The following FADS2 variants were observed in gnomAD, a reference collection of about 807,000 sequenced individuals.
The protein encoded by FADS2 is acyl-CoA 6-desaturase.
FADS2 carries 18 observed loss-of-function variants against 61.2 expected under a neutral mutation model. The observed-to-expected ratio is 0.29, with a 90% CI of 0.20 to 0.44. FADS2 has a LOEUF of 0.44. Ranked by LOEUF, FADS2 falls within the 20% of genes least tolerant of loss-of-function variation. The pLI, the probability that FADS2 is intolerant of heterozygous loss-of-function variation, is 1.00. For missense variants in FADS2, 322 were observed against 572.7 expected, an observed-to-expected ratio of 0.56 and a Z score of 4.47; for synonymous variants, 203 against 223.9, an observed-to-expected ratio of 0.91 and a Z score of 0.83.
chr11:61,816,651 T>A lies in FADS2; in HGVS notation c.141+225T>A. 4 of 1,602,158 alleles carry A rather than the reference T, an allele frequency of 2.5e-6. No homozygotes were observed. The highest frequency in any genetic ancestry group is 3.4e-6 in the Non-Finnish European group (4 of 1,175,230). ...TGTTGTACACCTTACGGTCGATCAC[T>A]AGCCACCGCTCCTCGCACCCTGAGC... On this transcript the variant is annotated intron_variant, in intron 1 of 11. Coordinates refer to the FADS2 transcript ENST00000257261. This position sits in a 1 kb window ranked among gnomAD's most constrained non-coding sequence, Gnocchi z 7.0.
chr11:61,816,418 GGGCAACA>G lies in FADS2; in HGVS notation c.136_141+1del. 6.3e-7 allele frequency: 1 copy of G among 1,598,684 alleles called. No homozygotes were observed. On this transcript the variant is annotated frameshift_variant and splice_region_variant, in exon 1 of 12. Transcript: ENST00000257261. LOFTEE classifies it high-confidence loss of function. The surrounding 1 kb of genome is among the most constrained non-coding windows in gnomAD (Gnocchi z 7.0). ...CGCATCCGCAGGACACCCAATCACC[GGGCAACA>G]GGTATGATCAGGCGCCTCCGGGCTT... is the stretch of plus-strand genomic sequence containing the variant.
At chr11:61,824,502 G>GAAAAGAAAGAAAGAAA (rs140558358), upstream of FADS2, among the ~76,000 whole-genome samples, 1 of 21,688 alleles carries the variant, frequency 4.6e-5, no homozygotes, top group African/African-American at 1.4e-4. Context: ...AAGAAAGAAA[G>GAAAAGAAAGAAAGAAA]GAAAGAAAGA....
In FADS2 at chr11:61,816,892, C is replaced by T. The variant is rs1473227606; in HGVS notation, c.141+466C>T. ...CCTGCGCGCCGGGTTTTCAGCACCG[C>T]AGGGCAGACCGGCGGGCCTCGCAGC... On this transcript the variant is annotated intron_variant, in intron 1 of 11. Coordinates refer to the FADS2 transcript ENST00000257261. This position sits in a 1 kb window ranked among gnomAD's most constrained non-coding sequence, Gnocchi z 7.0. 7.0e-7 allele frequency: 1 copy of T among 1,435,174 alleles called. No homozygotes were observed. Among genetic ancestry groups the T allele is most frequent in the Non-Finnish European group, 9.0e-7 (1 of 1,106,724 alleles). The allele number at this position is 1,435,174 out of a possible 1,614,324, so 88.9% of individuals were successfully genotyped here.
At chr11:61,839,097 T>C (rs1397129961) in intron 2 of FADS2, among the ~76,000 whole-genome samples, 1 of 152,012 alleles carries the variant, frequency 6.6e-6, no homozygotes, top group Non-Finnish European at 1.5e-5. Context: ...AAGTTCCTTC[T>C]TCCTCGCAAT....
intron 2 of FADS2, 46 bp downstream of exon 2, chr11:61,837,934 G>T (rs917692375): frequency 7.1e-7 from 1 of 1,399,906 alleles, no homozygotes. Context: ...CGAGGCTGGG[G>T]GTGGCTGGGA....
At chr11:61,863,594 G>T in intron 9 of FADS2, 113 bp from the exon 10 acceptor site, 1 of 903,732 alleles carries the variant, frequency 1.1e-6, no homozygotes. Flanking sequence ...AGGCAGGACG[G>T]TATGATGTGG....
chr11:61,841,526 C>G (rs542838851), intron 4 of FADS2, among the ~76,000 whole-genome samples: 30 of 150,036 alleles, frequency 2.0e-4, no homozygotes, highest in Middle Eastern at 3.4e-3. Flanking sequence ...TAGTGAGACC[C>G]CCCCCCATCT....
chr11:61,830,885 A>G (rs2067123221), intron 1 of FADS2, among the ~76,000 whole-genome samples: 1 of 152,264 alleles, frequency 6.6e-6, no homozygotes, highest in Admixed American at 6.5e-5. Context: ...ATTATGAAAC[A>G]GCTAGAATGG....
chr11:61,853,176 AC>A (rs569110899), intron 5 of FADS2, among the ~76,000 whole-genome samples: 4,029 of 104,766 alleles, frequency 0.038, 182 homozygotes, highest in African/African-American at 0.13. Flanking sequence ...AACAACAACA[AC>A]AACAAAACAA....
chr11:61,822,213 C>T (rs1246028164), intron 1 of FADS2, among the ~76,000 whole-genome samples: 1 of 152,226 alleles, frequency 6.6e-6, no homozygotes, highest in Non-Finnish European at 1.5e-5. Context: ...TGGTGATCCA[C>T]CCGCCTCAGA....
chr11:61,843,942 T>A (rs145398010), intron 4 of FADS2, among the ~76,000 whole-genome samples: 2,403 of 152,130 alleles, frequency 0.016, 59 homozygotes, highest in African/African-American at 0.055. Context: ...ATTACAGGCA[T>A]GAGCCACCAC....
At chr11:61,861,354 A>AAAAAAAAAAAAAAAAAAAAC (rs2067413028) in intron 7 of FADS2, among the ~76,000 whole-genome samples, 1 of 70,206 alleles carries the variant, frequency 1.4e-5, no homozygotes, top group African/African-American at 6.9e-5. Context: ...ACTCCCTCTC[A>AAAAAAAAAAAAAAAAAAAAC]AAAAAAAAAA....
At chr11:61,860,612 C>T (rs1317529615) in intron 7 of FADS2, among the ~76,000 whole-genome samples, 8 of 152,296 alleles carry the variant, frequency 5.3e-5, no homozygotes, top group Non-Finnish European at 1.2e-4. Flanking sequence ...GTATGTGTTG[C>T]TCTCTACACT....
intron 8 of FADS2, 51 bp downstream of exon 8, chr11:61,863,120 T>C (rs1485960611): frequency 6.4e-7 from 1 of 1,551,432 alleles, no homozygotes; most frequent in Non-Finnish European, 8.9e-7. Flanking sequence ...GCACTGATGA[T>C]GGCTTTGGCA....
intron 4 of FADS2, among the ~76,000 whole-genome samples, chr11:61,845,104 A>G (rs565630465): frequency 8.5e-6 from 1 of 118,316 alleles, no homozygotes; most frequent in Non-Finnish European, 1.6e-5. Flanking sequence ...TGCTGGTCAC[A>G]GTTATACCGA....
Position 61,865,435 on chromosome 11 carries a change from G to C in FADS2, c.1283+158G>C, listed in dbSNP as rs538611593. The C allele has an allele frequency of 2.9e-6, 3 of 1,040,138 alleles. No individual in the cohort carries two copies. In the African/African-American group the frequency reaches 4.8e-5, roughly 17 times the overall value. The allele number at this position is 1,040,138 out of a possible 1,614,324, so 64.4% of individuals were successfully genotyped here. A position where few individuals can be genotyped will look rare whatever the true frequency, so the allele number is the denominator to read the frequency against. ...AGGAGCTGTTGGGCTTTTCTCCCTG[G>C]GCTGCGAGAAGACCATCCCTTTCTG... On this transcript the variant is annotated intron_variant, in intron 11 of 11. Transcript: ENST00000278840. The surrounding 1 kb of genome is among the most constrained non-coding windows in gnomAD (Gnocchi z 4.1).
upstream of FADS2, among the ~76,000 whole-genome samples, chr11:61,824,431 AGAGGGAGGGAGGGAGGGAGGGAGGGAGG>A (rs1565325165): frequency 0.012 from 46 of 3,816 alleles, 3 homozygotes; most frequent in South Asian, 0.024. Context: ...AGAGAGAGAG[AGAGGGAGGGAGGGAGGGAGGGAGGGAGG>A]GAGAGAGAGA....
At chr11:61,837,540 G>A (rs989175280) in intron 1 of FADS2, among the ~76,000 whole-genome samples, 2 of 152,226 alleles carry the variant, frequency 1.3e-5, no homozygotes, top group Non-Finnish European at 2.9e-5. Context: ...AAACCCCTGG[G>A]GAGTGTAGCA....
chr11:61,841,249 G>C (rs138604552), intron 4 of FADS2, among the ~76,000 whole-genome samples: 1 of 152,000 alleles, frequency 6.6e-6, no homozygotes, highest in African/African-American at 2.4e-5. Context: ...ATGGGGTTTT[G>C]CTATGTTGGT....
Sources: gnomAD v4.1 joint callset for allele counts (sites outside exome capture counted in the v4.1 genomes callset) on GRCh38, gnomAD v4.1.1 for gene constraint, Gnocchi (gnomAD v3.1) non-coding constraint, MANE v1.5 for transcripts, NCBI Gene and HGNC (gene_info 2026-07-23, HGNC 2026-07-21) for gene names.